ZFAT: variants seen among roughly 807,000 people sequenced by gnomAD.
ZFAT encodes zinc finger protein ZFAT.
A neutral mutation model predicts 117.7 loss-of-function variants in ZFAT; 64 were observed. That is an observed-to-expected ratio of 0.54 (90% confidence interval 0.44 to 0.67). The LOEUF (loss-of-function observed/expected upper bound fraction) is 0.67, where lower values mean the gene tolerates loss of function less well. ZFAT is among the 30% of genes least tolerant of loss of function. The pLI, the probability that ZFAT is intolerant of heterozygous loss-of-function variation, is 0.00. For missense variants in ZFAT, 1,433 were observed against 1,584.5 expected (o/e 0.90, Z 1.62); for synonymous variants, 679 against 615.0 (o/e 1.10, Z -1.54).
intron 1 of ZFAT, among the ~76,000 whole-genome samples, chr8:134,671,817 C>T (rs1329577152): frequency 6.6e-6 from 1 of 152,074 alleles, no homozygotes; most frequent in African/African-American, 2.4e-5. Flanking sequence ...TCAAATTGTC[C>T]CTGTTTGCAG....
At chr8:134,534,994 A>C (rs930945750) in intron 11 of ZFAT, among the ~76,000 whole-genome samples, 2 of 151,980 alleles carry the variant, frequency 1.3e-5, no homozygotes, top group Non-Finnish European at 2.9e-5. Flanking sequence ...CCCTGCTCAG[A>C]CCTCATGCTC....
At chr8:134,564,943 T>C (rs541642798) in intron 11 of ZFAT, 1 of 1,211,856 alleles carries the variant, frequency 8.3e-7, no homozygotes, top group East Asian at 5.7e-5. Flanking sequence ...TTACAACTGC[T>C]TGCCGGGTGG....
chr8:134,565,606 G>A (rs930352735), intron 10 of ZFAT, 185 bp from the exon 11 acceptor site: 2 of 705,456 alleles, frequency 2.8e-6, no homozygotes, highest in Non-Finnish European at 2.5e-6. Context: ...ACAGGTGGGA[G>A]TGGAGAGGCA....
intron 7 of ZFAT, among the ~76,000 whole-genome samples, chr8:134,590,590 TCAC>T (rs1469153966): frequency 6.7e-6 from 1 of 149,204 alleles, no homozygotes; most frequent in African/African-American, 2.5e-5. Context: ...ACCATCATCA[TCAC>T]CACCACCAGC....
chr8:134,776,247 C>T, the ZFAT span, among the ~76,000 whole-genome samples: 1 of 152,114 alleles, frequency 6.6e-6, no homozygotes, highest in African/African-American at 2.4e-5. Flanking sequence ...GATCCAAGGC[C>T]AATGTTCTTC....
At chr8:134,779,963 A>G in the ZFAT span, among the ~76,000 whole-genome samples, 2 of 152,182 alleles carry the variant, frequency 1.3e-5, no homozygotes, top group African/African-American at 4.8e-5. Flanking sequence ...ATCCTGGTCC[A>G]CTGAATTCTA....
the ZFAT span, among the ~76,000 whole-genome samples, chr8:134,748,832 A>G: frequency 1.3e-5 from 2 of 152,136 alleles, no homozygotes; most frequent in African/African-American, 4.8e-5. Context: ...AGCACTTTTC[A>G]TATGTTCTTT....
At chr8:134,731,326 G>A in the ZFAT span, among the ~76,000 whole-genome samples, 1 of 152,174 alleles carries the variant, frequency 6.6e-6, no homozygotes, top group East Asian at 1.9e-4. Context: ...ATAGCCCCAA[G>A]TGAGAAACTA....
the ZFAT span, among the ~76,000 whole-genome samples, chr8:134,724,466 A>C: frequency 2.0e-5 from 3 of 152,190 alleles, no homozygotes; most frequent in Admixed American, 6.5e-5. Flanking sequence ...CCAGTGGGCT[A>C]TACTGCCAAG....
chr8:134,801,247 C>G, the ZFAT span, among the ~76,000 whole-genome samples: 2 of 152,114 alleles, frequency 1.3e-5, no homozygotes, highest in Non-Finnish European at 2.9e-5. Context: ...ACTCTGATCT[C>G]TTTCCACCTT....
chr8:134,800,569 C>T, the ZFAT span: 1 of 517,976 alleles, frequency 1.9e-6, no homozygotes, highest in African/African-American at 1.9e-5. Context: ...CCATGTATTA[C>T]AGCTGAGTGT....
At chr8:134,824,390 G>C in the ZFAT span, among the ~76,000 whole-genome samples, 27 of 152,330 alleles carry the variant, frequency 1.8e-4, no homozygotes, top group Admixed American at 2.0e-4. Flanking sequence ...AAGCAGGCAA[G>C]TGATAAGAGC....
chr8:134,601,490 C>A lies in ZFAT; in HGVS notation c.2229G>T (p.Glu743Asp). 1 of 1,611,832 alleles carries A rather than the reference C, an allele frequency of 6.2e-7. No individual in the cohort carries two copies. The highest frequency in any genetic ancestry group is 8.5e-7 in the Non-Finnish European group (1 of 1,178,508). Reference protein sequence around the residue: ...ERIRKVYGDLECEYCGKLFWY... With the variant: ...ERIRKVYGDLDCEYCGKLFWY... ...GCCTTTCCTTACCACAGTATTCACA[C>A]TCCAGGTCTCCATAAACCTTCCGGA... The change falls in exon 6 of 16, where the codon GAG becomes GAT. Residue 743 changes from glutamate to aspartate, a missense_variant. Glu to Asp is a conservative substitution (Grantham distance 45). Transcript: ENST00000377838.
At chr8:134,507,530 A>G (rs1867061) in intron 15 of ZFAT, among the ~76,000 whole-genome samples, 30,691 of 152,196 alleles carry the variant, frequency 0.2, 3,382 homozygotes, top group Non-Finnish European at 0.25. Flanking sequence ...TGTGTTTGCA[A>G]TAAGAAAGAA....
chr8:134,696,474 G>A (rs1386019895), intron 1 of ZFAT: 4 of 985,518 alleles, frequency 4.1e-6, no homozygotes, highest in East Asian at 1.1e-4. Context: ...GATGCTGGGC[G>A]CCTCCGCCGC....
chr8:134,796,967 A>C, the ZFAT span: 1 of 152,190 alleles, frequency 6.6e-6, no homozygotes, highest in South Asian at 2.1e-4. Context: ...ATTTAATACA[A>C]ATACTGATTT....
At chr8:134,617,537 G>C (rs1828831958) in intron 3 of ZFAT, among the ~76,000 whole-genome samples, 1 of 152,156 alleles carries the variant, frequency 6.6e-6, no homozygotes, top group African/African-American at 2.4e-5. Context: ...TTCTAATGTA[G>C]ACTCAGGGAC....
intron 3 of ZFAT, among the ~76,000 whole-genome samples, chr8:134,630,627 G>T (rs867601198): frequency 7.2e-5 from 11 of 152,118 alleles, no homozygotes; most frequent in Admixed American, 1.3e-4. Flanking sequence ...GAAAAGTTCA[G>T]AAGTCACTTT....
At chr8:134,695,877 G>T (rs552364394) in intron 1 of ZFAT, among the ~76,000 whole-genome samples, 182 of 148,646 alleles carry the variant, frequency 1.2e-3, no homozygotes, top group African/African-American at 4.2e-3. Context: ...AAACAAGGAG[G>T]TACCACCACC....
Sources: allele counts gnomAD v4.1 joint callset (sites outside exome capture counted in the v4.1 genomes callset), GRCh38; gene constraint gnomAD v4.1.1; transcripts MANE v1.5; gene names NCBI Gene and HGNC (gene_info 2026-07-23, HGNC 2026-07-21).